The following SPTBN1 variants were observed in gnomAD, a reference collection of about 807,000 sequenced individuals.
SPTBN1 encodes the protein spectrin beta, non-erythrocytic 1, also known as spectrin beta chain, non-erythrocytic 1.
SPTBN1 carries 32 observed loss-of-function variants against 266.4 expected under a neutral mutation model. The ratio of observed to expected loss-of-function variants is 0.12; its 90% CI spans 0.09 to 0.16. The LOEUF is 0.16. Ranked by LOEUF, SPTBN1 falls within the 10% of genes least tolerant of loss-of-function variation. The pLI is 1.00. For missense variants in SPTBN1, 2,296 were observed against 3,067.1 expected, an observed-to-expected ratio of 0.75 and a Z score of 5.94; for synonymous variants, 1,336 against 1,162.2, an observed-to-expected ratio of 1.15 and a Z score of -3.04.
chr2:54,622,317 T>G lies in SPTBN1; in HGVS notation c.894T>G (p.Ile298Met), dbSNP rs1678045516. 3.1e-6 allele frequency: 5 copies of G among 1,614,160 alleles called. No homozygotes were observed. The highest frequency in any genetic ancestry group is 4.2e-6 in the Non-Finnish European group (5 of 1,180,006). The stretch of plus-strand genomic sequence containing the variant: ...GTTGCCAGGTGCTTGACAATGCTAT[T>G]GAAACAGAAAAAATGATTGAAAAGT... ...KRIGKVLDNA[I>M]ETEKMIEKYE... Residue 298 changes from isoleucine (I) to methionine (M), a missense_variant, in exon 9 of 36, where the codon ATT becomes ATG. Transcript: ENST00000356805.
Position 54,558,860 on chromosome 2 carries a change from C to T in SPTBN1, c.148+32294C>T, listed in dbSNP as rs886538685. On this transcript the variant is annotated intron_variant, in intron 2 of 35. Coordinates refer to ENST00000356805, the MANE Select transcript of SPTBN1 (RefSeq NM_003128.3). This position sits in a 1 kb window ranked among gnomAD's most constrained non-coding sequence, Gnocchi z 4.6. ...GCAGGTGCCTTACAACTACAACCAGCTGGAAGGCAGATTCAAGCAGCTGCA... is the reference window on the plus strand; with the variant it reads ...GCAGGTGCCTTACAACTACAACCAGTTGGAAGGCAGATTCAAGCAGCTGCA... The T allele has an allele frequency of 6.2e-7, 1 of 1,613,886 alleles. No homozygotes were observed. The highest frequency in any genetic ancestry group is 2.2e-5 in the East Asian group (1 of 44,842).
Position 54,646,267 on chromosome 2 carries a change from C to G in SPTBN1, c.4658C>G (p.Thr1553Ser), listed in dbSNP as rs773352587. 3 of 1,614,152 alleles carry G rather than the reference C, an allele frequency of 1.9e-6. No homozygotes were observed. The highest frequency in any genetic ancestry group is 1.6e-4 in the Middle Eastern group (1 of 6,062). Residue 1553 changes from threonine (T) to serine (S), a missense_variant, in exon 23 of 36, where the codon ACT (threonine) becomes AGT (serine). Physicochemically the swap from Thr to Ser is moderately conservative, Grantham distance 58. Coordinates refer to ENST00000356805, the MANE Select transcript of SPTBN1 (RefSeq NM_003128.3). This position sits in a 1 kb window ranked among gnomAD's most constrained non-coding sequence, Gnocchi z 4.4. ...DIFERSQNIV[T>S]DSSSLSAEAI... ...TTTGAGAGGAGCCAAAACATCGTCA[C>G]TGACAGCAGCAGCCTCAGCGCTGAG...
chr2:54,641,293 G>A (rs531600861), intron 18 of SPTBN1, among the ~76,000 whole-genome samples: 12 of 147,768 alleles, frequency 8.1e-5, no homozygotes, highest in African/African-American at 1.3e-4. Flanking sequence ...TTTATGTAGC[G>A]CGCTCTCTCT....
chr2:54,660,686 T>C (rs1680975700), intron 32 of SPTBN1: 1 of 985,348 alleles, frequency 1.0e-6, no homozygotes. Context: ...CCTTGGGTCA[T>C]TTATTACTTT....
At position 54,626,364 on chromosome 2, in the gene SPTBN1, G is replaced by A; in HGVS notation, c.1644+130G>A. On this transcript the variant is annotated intron_variant, in intron 12 of 35. Coordinates refer to ENST00000356805, the MANE Select transcript of SPTBN1 (RefSeq NM_003128.3). This position sits in a 1 kb window ranked among gnomAD's most constrained non-coding sequence, Gnocchi z 4.7. ...ACTGCCCACATGTACAGCTAGAGAG[G>A]AGCCACATCACCCATGGGAAGATTG... 1.7e-6 allele frequency: 2 copies of A among 1,165,630 alleles called. No homozygotes were observed. The highest frequency in any genetic ancestry group is 1.6e-5 in the South Asian group (1 of 61,276). The allele number at this position is 1,165,630 out of a possible 1,614,324, so 72.2% of individuals were successfully genotyped here.
intron 2 of SPTBN1, among the ~76,000 whole-genome samples, chr2:54,539,059 C>G (rs531025342): frequency 3.3e-5 from 5 of 152,212 alleles, no homozygotes; most frequent in Non-Finnish European, 7.3e-5. Context: ...CCTTGCTATT[C>G]TGTACCCCAT....
chr2:54,657,981 G>A lies in SPTBN1; in HGVS notation c.6178G>A (p.Glu2060Lys). 1.2e-6 allele frequency: 2 copies of A among 1,614,226 alleles called. No homozygotes were observed. The highest frequency in any genetic ancestry group is 1.1e-5 in the South Asian group (1 of 91,084). The stretch of plus-strand genomic sequence containing the variant: ...GGTGGAGAAGCTCATCAAGCGCCAC[G>A]AGGCATTTGAAAAGTCTGCAGCAAC... ...DEVEKLIKRH[E>K]AFEKSAATWD... is the part of the protein sequence containing the mutation. Residue 2060 changes from glutamate to lysine, a missense_variant, in exon 30 of 36, where the codon GAG (glutamate) becomes AAG (lysine). Transcript: ENST00000356805.
chr2:54,522,957 G>A (rs1339156312), intron 1 of SPTBN1, among the ~76,000 whole-genome samples: 1 of 152,100 alleles, frequency 6.6e-6, no homozygotes, highest in Non-Finnish European at 1.5e-5. Context: ...CTTGGGTTGG[G>A]TTGGATTAAA....
chr2:54,632,888 G>T, intron 17 of SPTBN1, 120 bp downstream of exon 17: 1 of 1,083,912 alleles, frequency 9.2e-7, no homozygotes. Flanking sequence ...GAATATGGGT[G>T]CCCAGCAGAA....
intron 27 of SPTBN1, among the ~76,000 whole-genome samples, chr2:54,654,076 T>C (rs1332897746): frequency 6.6e-6 from 1 of 152,174 alleles, no homozygotes; most frequent in African/African-American, 2.4e-5. Context: ...TATCAAAGCC[T>C]GTCCCATTCT....
intron 18 of SPTBN1, among the ~76,000 whole-genome samples, 157 bp from the exon 19 acceptor site, chr2:54,642,826 C>T (rs1679665865): frequency 6.6e-6 from 1 of 152,184 alleles, no homozygotes; most frequent in South Asian, 2.1e-4. Context: ...GGACACCTGT[C>T]ATGACGGGTC....
chr2:54,494,455 G>C (rs1272093512), intron 1 of SPTBN1, among the ~76,000 whole-genome samples: 1 of 152,116 alleles, frequency 6.6e-6, no homozygotes, highest in African/African-American at 2.4e-5. Context: ...GTTTATAGCA[G>C]CTTTATTTGT....
At chr2:54,460,701 T>C (rs1693321623) in intron 1 of SPTBN1, among the ~76,000 whole-genome samples, 1 of 152,172 alleles carries the variant, frequency 6.6e-6, no homozygotes, top group African/African-American at 2.4e-5. Context: ...AAAATATATG[T>C]TAAAGAATCG....
chr2:54,485,472 C>T (rs1327149108), intron 1 of SPTBN1, among the ~76,000 whole-genome samples: 6 of 151,524 alleles, frequency 4.0e-5, no homozygotes, highest in Non-Finnish European at 5.9e-5. Flanking sequence ...GGATTGCAGA[C>T]GGAGTCTCGT....
rs1680153003 is a variant in SPTBN1 at position 54,649,812 on chromosome 2, T to G, written c.5400T>G (p.Ile1800Met). The G allele has an allele frequency of 4.3e-6, 7 of 1,614,170 alleles. No individual in the cohort carries two copies. Among genetic ancestry groups the G allele is most frequent in the Non-Finnish European group, 5.1e-6 (6 of 1,180,040 alleles). ...LLELIDTRTQ[I>M]LAASYELHKF... ...AGCTCATTGACACAAGAACACAGAT[T>G]CTTGCCGCTTCCTATGAACTGCACA... Residue 1800 changes from isoleucine (I) to methionine (M), a missense_variant, in exon 26 of 36, where the codon ATT (isoleucine) becomes ATG (methionine). This residue lies in a region of SPTBN1 where 644 missense variants were observed against 745.3 expected (regional missense o/e 0.86). Coordinates refer to ENST00000356805, the MANE Select transcript of SPTBN1 (RefSeq NM_003128.3). This position sits in a 1 kb window ranked among gnomAD's most constrained non-coding sequence, Gnocchi z 6.7.
At chr2:54,596,043 A>G (rs1447457452) in intron 2 of SPTBN1, among the ~76,000 whole-genome samples, 1 of 152,158 alleles carries the variant, frequency 6.6e-6, no homozygotes, top group Non-Finnish European at 1.5e-5. Context: ...GTAAGAAGCA[A>G]CCACGGTTGC....
chr2:54,635,553 T>G (rs531469033), intron 17 of SPTBN1, among the ~76,000 whole-genome samples: 11 of 152,384 alleles, frequency 7.2e-5, no homozygotes, highest in Admixed American at 6.5e-4. Context: ...AAGAAATACA[T>G]TCAGGATTCT....
At chr2:54,468,407 T>C (rs1693749841) in intron 1 of SPTBN1, among the ~76,000 whole-genome samples, 1 of 152,162 alleles carries the variant, frequency 6.6e-6, no homozygotes, top group African/African-American at 2.4e-5. Context: ...AAGCCTTTTT[T>C]TTCTGTGCAT....
In SPTBN1 at chr2:54,646,178, T is replaced by A. The variant is rs1486145660; in HGVS notation, c.4585-16T>A. 2.5e-6 allele frequency: 4 copies of A among 1,597,306 alleles called. No individual in the cohort carries two copies. The South Asian group carries it at 4.5e-5, about 18-fold the overall frequency. On this transcript the variant is annotated splice_polypyrimidine_tract_variant and intron_variant, in intron 22 of 35. Coordinates refer to ENST00000356805, the MANE Select transcript of SPTBN1 (RefSeq NM_003128.3). The surrounding 1 kb of genome is among the most constrained non-coding windows in gnomAD (Gnocchi z 4.4). Reference sequence around the variant, plus strand: ...CCATTTAGCAAGCCTTTGTGTGTATTTTCCGCTCCCTCCAGACCCTCCAGA... The same window carrying A: ...CCATTTAGCAAGCCTTTGTGTGTATATTCCGCTCCCTCCAGACCCTCCAGA...
Sources: gnomAD v4.1 joint callset for allele counts (sites outside exome capture counted in the v4.1 genomes callset) on GRCh38, gnomAD v4.1.1 for gene constraint, gnomAD v4.1.1 regional missense constraint, Gnocchi (gnomAD v3.1) non-coding constraint, MANE v1.5 for transcripts, NCBI Gene and HGNC (gene_info 2026-07-23, HGNC 2026-07-21) for gene names.